Variants in ZFYVE9 observed in about 807,000 individuals in gnomAD.
ZFYVE9 encodes the protein zinc finger FYVE-type containing 9, also known as zinc finger FYVE domain-containing protein 9.
Under a neutral mutation model 126.7 loss-of-function variants are expected in ZFYVE9, and 43 were observed. That is an observed-to-expected ratio of 0.34 (90% CI 0.27 to 0.44). The LOEUF is 0.44. Among genes scored for constraint, ZFYVE9 ranks in the 20% least tolerant of loss-of-function variants. ZFYVE9 has a pLI of 1.00. For missense variants in ZFYVE9, 1,476 were observed against 1,697.0 expected, an observed-to-expected ratio of 0.87 and a Z score of 2.29; for synonymous variants, 521 against 597.4, an observed-to-expected ratio of 0.87 and a Z score of 1.87.
chr1:52,162,595 G>T (rs1644472493), intron 1 of ZFYVE9: 1 of 257,708 alleles, frequency 3.9e-6, no homozygotes. Context: ...CCATTCAAAG[G>T]TCCATATCAA....
At chr1:52,180,313 A>G in intron 1 of ZFYVE9, 1 of 1,582,284 alleles carries the variant, frequency 6.3e-7, no homozygotes, top group Non-Finnish European at 8.6e-7. Flanking sequence ...AGTTATCCTG[A>G]TAGGAATCTG....
chr1:52,297,694 CTT>C (rs898800531), intron 12 of ZFYVE9, among the ~76,000 whole-genome samples: 2 of 146,802 alleles, frequency 1.4e-5, no homozygotes. Context: ...TTCCAGTTAT[CTT>C]TTTTTTTTTA....
chr1:52,148,755 C>T (rs910268648), intron 1 of ZFYVE9, among the ~76,000 whole-genome samples: 1 of 150,954 alleles, frequency 6.6e-6, no homozygotes, highest in Non-Finnish European at 1.5e-5. Flanking sequence ...GATCCTCCTG[C>T]CTCAACCTCC....
intron 2 of ZFYVE9, among the ~76,000 whole-genome samples, chr1:52,217,817 A>T (rs1220023266): frequency 6.6e-6 from 1 of 152,198 alleles, no homozygotes; most frequent in African/African-American, 2.4e-5. Flanking sequence ...TAAAAGTACA[A>T]CACTGGACCG....
chr1:52,287,431 G>C (rs1474891645), intron 10 of ZFYVE9, among the ~76,000 whole-genome samples: 1 of 152,072 alleles, frequency 6.6e-6, no homozygotes, highest in Admixed American at 6.5e-5. Context: ...TTAAGAAAGT[G>C]TTTGGTGTTG....
intron 4 of ZFYVE9, chr1:52,252,341 GT>G (rs991204316): frequency 2.5e-4 from 39 of 154,250 alleles, no homozygotes; most frequent in South Asian, 6.0e-4. Flanking sequence ...TTGTTTTGGG[GT>G]TTTTTTGTTT....
At chr1:52,264,072 A>G (rs1645610512) in intron 5 of ZFYVE9, 200 bp downstream of exon 5, 1 of 344,850 alleles carries the variant, frequency 2.9e-6, no homozygotes, top group Non-Finnish European at 5.3e-6. Context: ...AATTTAATGA[A>G]TAAATGCTAA....
chr1:52,242,171 A>G (rs1299385008), intron 4 of ZFYVE9, among the ~76,000 whole-genome samples: 1 of 151,362 alleles, frequency 6.6e-6, no homozygotes, highest in Non-Finnish European at 1.5e-5. Flanking sequence ...AGCTGGGACC[A>G]CAGGCATGCG....
chr1:52,260,928 C>T (rs1214261317), intron 4 of ZFYVE9, among the ~76,000 whole-genome samples: 1 of 152,176 alleles, frequency 6.6e-6, no homozygotes, highest in Non-Finnish European at 1.5e-5. Flanking sequence ...CATCCCTTAA[C>T]TCTTGGGGCC....
chr1:52,316,611 C>A (rs1288286617), intron 13 of ZFYVE9, among the ~76,000 whole-genome samples: 4 of 151,736 alleles, frequency 2.6e-5, no homozygotes, highest in Non-Finnish European at 2.9e-5. Flanking sequence ...GAAATACATA[C>A]CATATTTATA....
intron 6 of ZFYVE9, 38 bp downstream of exon 6, chr1:52,266,869 C>T (rs764990761): frequency 2.4e-5 from 36 of 1,502,506 alleles, no homozygotes; most frequent in South Asian, 1.4e-4. Flanking sequence ...TTTTTCCTCA[C>T]GAAGTTCCTC....
At position 52,202,492 on chromosome 1, in the gene ZFYVE9, T is replaced by G. The variant is rs187567452; in HGVS notation, c.-142-13877T>G. ...GACGGGGTTTCACTATGTTGGCCAG[T>G]CTGGTCTTGAACTCCTGGCCTCAAG... On this transcript the variant is annotated intron_variant, in intron 1 of 18. Transcript: ENST00000287727. 9.9e-3 allele frequency among the ~76,000 whole-genome samples: 1,499 copies of G among 151,528 alleles called. 72 individuals are homozygous for G. The East Asian group carries it at 0.13, about 13-fold the overall frequency.
rs538673661 is a variant in ZFYVE9, at chr1:52,238,708, A to G, written c.1291A>G (p.Thr431Ala). 5.0e-6 allele frequency: 8 copies of G among 1,614,126 alleles called. No homozygotes were observed. Among genetic ancestry groups the G allele is most frequent in the South Asian group, 1.1e-5 (1 of 91,072 alleles). ...KFLQISQPED[T>A]NGDSGGQCVG... ...TCTACAGATTAGTCAGCCTGAGGACACTAATGGTGATAGTGGAGGACAGTG... is the reference window on the plus strand; with the variant it reads ...TCTACAGATTAGTCAGCCTGAGGACGCTAATGGTGATAGTGGAGGACAGTG... The change falls in exon 4 of 19, where the codon ACT becomes GCT. Residue 431 changes from threonine to alanine, a missense_variant. Coordinates refer to ENST00000287727, the MANE Select transcript of ZFYVE9 (RefSeq NM_004799.4).
chr1:52,301,640 A>G (rs1193527820), intron 12 of ZFYVE9, among the ~76,000 whole-genome samples: 1 of 152,138 alleles, frequency 6.6e-6, no homozygotes, highest in Non-Finnish European at 1.5e-5. Context: ...TAAAATTACA[A>G]GTTTGAAGCA....
chr1:52,302,562 C>G (rs934152608), intron 12 of ZFYVE9, among the ~76,000 whole-genome samples: 1 of 152,052 alleles, frequency 6.6e-6, no homozygotes, highest in African/African-American at 2.4e-5. Flanking sequence ...ACCAGCCTGG[C>G]CAACATGGCA....
chr1:52,188,852 T>G (rs1644790087), intron 1 of ZFYVE9, among the ~76,000 whole-genome samples: 1 of 152,196 alleles, frequency 6.6e-6, no homozygotes, highest in Non-Finnish European at 1.5e-5. Flanking sequence ...AGTGTAGAAT[T>G]CAGTAGTTTT....
intron 4 of ZFYVE9, among the ~76,000 whole-genome samples, chr1:52,248,530 C>T (rs1206306530): frequency 6.6e-6 from 1 of 152,204 alleles, no homozygotes; most frequent in East Asian, 1.9e-4. Context: ...CAATACCAGC[C>T]ATCTAGGCAT....
intron 1 of ZFYVE9, among the ~76,000 whole-genome samples, chr1:52,154,918 T>A (rs180676192): frequency 7.2e-5 from 11 of 152,186 alleles, no homozygotes; most frequent in African/African-American, 2.2e-4. Context: ...CCTTCTTAAG[T>A]TGGTCTTATA....
chr1:52,346,292 T>A lies in ZFYVE9; in HGVS notation c.*71T>A. On this transcript the variant is annotated 3_prime_UTR_variant, in exon 19 of 19. Transcript: ENST00000287727. ...AGTCATACCCAAATCATTTGCACTTTAAAACTGGAAGATTAAGCTTTTGTT... is the reference window on the plus strand; with the variant it reads ...AGTCATACCCAAATCATTTGCACTTAAAAACTGGAAGATTAAGCTTTTGTT... 1.7e-6 allele frequency: 2 copies of A among 1,208,184 alleles called. No homozygotes were observed. The highest frequency in any genetic ancestry group is 1.8e-5 in the South Asian group (1 of 56,564). The allele number at this position is 1,208,184 out of a possible 1,614,324, so 74.8% of individuals were successfully genotyped here.
Sources: allele counts gnomAD v4.1 joint callset (sites outside exome capture counted in the v4.1 genomes callset), GRCh38; gene constraint gnomAD v4.1.1; transcripts MANE v1.5; gene names NCBI Gene and HGNC (gene_info 2026-07-23, HGNC 2026-07-21).